CTU2: variants seen among roughly 807,000 people sequenced by gnomAD.
The protein encoded by CTU2 is cytosolic thiouridylase subunit 2, also known as cytoplasmic tRNA 2-thiolation protein 2.
CTU2 carries 80 observed loss-of-function variants against 64.1 expected under a neutral mutation model. The observed-to-expected ratio is 1.25, with a 90% CI of 1.04 to 1.50. CTU2 has a LOEUF of 1.50. CTU2 is among the 40% of genes most tolerant of loss of function. The probability of loss-of-function intolerance (pLI) is 0.00; values close to 1 mark genes in which losing one functional copy is unlikely to be tolerated. For synonymous variants in CTU2, 482 were observed against 285.3 expected (o/e 1.69, Z -6.95); for missense variants, 1,110 against 690.2 (o/e 1.61, Z -6.81).
At chr16:88,708,819 C>T (rs1179078223) in intron 2 of CTU2, 2 of 152,178 alleles carry the variant, frequency 1.3e-5, no homozygotes, top group African/African-American at 4.8e-5. Context: ...TGCTGCTCTT[C>T]ACCCTGCCTG....
chr16:88,712,075 G>A (rs1354756936), intron 5 of CTU2, 199 bp from the exon 6 acceptor site: 1 of 702,264 alleles, frequency 1.4e-6, no homozygotes, highest in South Asian at 1.5e-5. Context: ...AACTCCTGGG[G>A]TGTTGACTGT....
chr16:88,711,474 G>A (rs982336765), intron 4 of CTU2, among the ~76,000 whole-genome samples, 161 bp from the exon 5 acceptor site: 4 of 152,166 alleles, frequency 2.6e-5, no homozygotes, highest in African/African-American at 7.2e-5. Flanking sequence ...GGGCCTGCCC[G>A]GCACCTGAGT....
intron 4 of CTU2, among the ~76,000 whole-genome samples, chr16:88,711,334 T>C (rs967418608): frequency 3.9e-5 from 6 of 152,066 alleles, no homozygotes; most frequent in Non-Finnish European, 8.8e-5. Flanking sequence ...AGTGGCCCCG[T>C]AACCCAGCCC....
At chr16:88,709,654 G>C in intron 2 of CTU2, 1 of 452,362 alleles carries the variant, frequency 2.2e-6, no homozygotes, top group Non-Finnish European at 4.0e-6. Flanking sequence ...CCTGTGGGGA[G>C]GGGTGCCGGG....
chr16:88,714,662 C>T lies in CTU2; in HGVS notation c.1277C>T (p.Thr426Ile), dbSNP rs1911748513. The T allele has an allele frequency of 6.2e-7, 1 of 1,612,376 alleles. No homozygotes were observed. Among genetic ancestry groups the T allele is most frequent in the African/African-American group, 1.3e-5 (1 of 74,892 alleles). Residue 426 changes from threonine to isoleucine, a missense_variant, in exon 12 of 15, where the codon ACC (threonine) becomes ATC (isoleucine). Thr to Ile is a moderately conservative substitution (Grantham distance 89). Transcript: ENST00000453996. ...CAGTCACCCATCCCCCTGACTGAGA[C>T]CCGGACACCCCCGGGGCCCTGCTGT... The part of the protein sequence containing the change: ...QMQSPIPLTE[T>I]RTPPGPCCSP...
chr16:88,709,218 G>A (rs1278508352), intron 2 of CTU2: 1 of 152,300 alleles, frequency 6.6e-6, no homozygotes, highest in African/African-American at 2.4e-5. Flanking sequence ...GGAGTTTGAG[G>A]CTGCAGTGAG....
Position 88,714,718 on chromosome 16 carries a change from G to A in CTU2, c.1333G>A (p.Gly445Ser), listed in dbSNP as rs753781703. ...SPGVGWAQRC[G>S]QGACRREDPQ... ...AGGGGTGGGCTGGGCCCAGCGCTGT[G>A]GCCAGGGGGCCTGCAGGAGGTGAGT... is the stretch of plus-strand genomic sequence containing the variant. The change falls in exon 12 of 15, where the codon GGC (glycine) becomes AGC (serine). Residue 445 changes from glycine (G) to serine (S), a missense_variant. By Grantham distance (56) the Gly-to-Ser change is moderately conservative. Transcript: ENST00000453996. 65 of 1,607,768 alleles carry A rather than the reference G, an allele frequency of 4.0e-5. No individual in the cohort carries two copies. The highest frequency in any genetic ancestry group is 1.7e-4 in the Admixed American group (10 of 59,388).
At chr16:88,713,894 G>T in intron 9 of CTU2, 116 bp downstream of exon 9, 1 of 1,426,668 alleles carries the variant, frequency 7.0e-7, no homozygotes, top group Non-Finnish European at 9.7e-7. Context: ...CTCCTGCTGT[G>T]GCCCCCAGCA....
At position 88,709,993 on chromosome 16, in the gene CTU2, C is replaced by T. The variant is rs200836148; in HGVS notation, c.199C>T (p.Arg67Trp). The T allele has an allele frequency of 1.9e-5, 30 of 1,613,808 alleles. No individual in the cohort carries two copies. Among genetic ancestry groups the T allele is most frequent in the Middle Eastern group, 1.6e-4 (1 of 6,084 alleles). Residue 67 changes from arginine (R) to tryptophan (W), a missense_variant, in exon 3 of 15, where the codon CGG becomes TGG. Transcript: ENST00000453996. Reference protein sequence around the residue: ...HKFRAMLGKNRLIFPGEKVLL... With the variant: ...HKFRAMLGKNWLIFPGEKVLL... Reference sequence around the variant, plus strand: ...GTTCAGAGCCATGCTGGGCAAGAACCGGCTCATCTTTCCAGGCGAGAAGGT... The same window carrying T: ...GTTCAGAGCCATGCTGGGCAAGAACTGGCTCATCTTTCCAGGCGAGAAGGT...
At position 88,709,981 on chromosome 16, in the gene CTU2, C is replaced by T. The variant is rs1033715743; in HGVS notation, c.187C>T (p.Leu63=). 1 of 1,613,944 alleles carries T rather than the reference C, an allele frequency of 6.2e-7. No homozygotes were observed. The highest frequency in any genetic ancestry group is 8.5e-7 in the Non-Finnish European group (1 of 1,180,002). ...CTACGTCCACAAGTTCAGAGCCATG[C>T]TGGGCAAGAACCGGCTCATCTTTCC... ...AFYVHKFRAM[L]GKNRLIFPGE... Residue 63 remains leucine (L), a synonymous_variant, in exon 3 of 15, where the codon CTG becomes TTG. Transcript: ENST00000453996.
intron 1 of CTU2, 75 bp downstream of exon 1, chr16:88,706,673 C>T (rs1266301587): frequency 7.0e-6 from 8 of 1,142,462 alleles, no homozygotes; most frequent in Middle Eastern, 3.1e-4. Context: ...GGGTCCCGGC[C>T]GGGCTTGCTC....
chr16:88,710,596 C>T, intron 4 of CTU2: 1 of 394,020 alleles, frequency 2.5e-6, no homozygotes, highest in Non-Finnish European at 4.7e-6. Context: ...AAGCTGGGTC[C>T]ACAGTGCGTG....
intron 9 of CTU2, 118 bp downstream of exon 9, chr16:88,713,896 C>G: frequency 3.6e-6 from 5 of 1,379,440 alleles, no homozygotes; most frequent in Non-Finnish European, 5.1e-6. Flanking sequence ...CCTGCTGTGG[C>G]CCCCAGCAGT....
chr16:88,712,444 G>C lies in CTU2; in HGVS notation c.453+61G>C. On this transcript the variant is annotated intron_variant, in intron 6 of 14. Coordinates refer to ENST00000453996, the MANE Select transcript of CTU2 (RefSeq NM_001012759.3). ...TGACCCCTGGGGGGCACCTGCCCGT[G>C]TCCCAGCCTCACTGGCCTCTCCCTC... The C allele has an allele frequency of 3.4e-6, 5 of 1,481,382 alleles. No individual in the cohort carries two copies. In the East Asian group the frequency reaches 1.2e-4, roughly 35 times the overall value. The allele number at this position is 1,481,382 out of a possible 1,614,324, so 91.8% of individuals were successfully genotyped here.
Position 88,707,183 on chromosome 16 carries a change from T to G in CTU2, c.116T>G (p.Val39Gly), listed in dbSNP as rs763663607. Residue 39 changes from valine to glycine, a missense_variant, in exon 2 of 15, where the codon GTG becomes GGG. Val to Gly is a moderately radical substitution (Grantham distance 109, BLOSUM62 -3). Transcript: ENST00000453996. ...VKCKEAQPVV[V>G]IRAGDAFCRD... ...TGCAAGGAAGCGCAGCCCGTTGTGG[T>G]GATACGAGCCGGAGATGCCTTCTGC... The G allele has an allele frequency of 7.4e-6, 12 of 1,613,918 alleles. No homozygotes were observed. The highest frequency in any genetic ancestry group is 1.0e-5 in the Non-Finnish European group (12 of 1,179,970).
intron 1 of CTU2, chr16:88,706,855 TG>T: frequency 1.8e-6 from 1 of 559,836 alleles, no homozygotes; most frequent in South Asian, 2.4e-5. Context: ...CGGAGAGAAC[TG>T]GTGCCGTGAA....
At position 88,715,027 on chromosome 16, in the gene CTU2, C is replaced by T. The variant is rs186274826; in HGVS notation, c.1420-21C>T. The T allele has an allele frequency of 1.5e-3, 2,371 of 1,576,768 alleles. 6 individuals are homozygous for T. Among genetic ancestry groups the T allele is most frequent in the Non-Finnish European group, 1.5e-3 (1,715 of 1,160,162 alleles). On this transcript the variant is annotated intron_variant, in intron 13 of 14. Transcript: ENST00000453996. ...GGTGCTGGCAGGTTTCTTGGCCCCT[C>T]GACACCGGCCTCTGTTGCAGCCCTC... is the stretch of plus-strand genomic sequence containing the variant.
chr16:88,707,403 C>T (rs1045052390), intron 2 of CTU2, among the ~76,000 whole-genome samples, 193 bp downstream of exon 2: 10 of 152,176 alleles, frequency 6.6e-5, no homozygotes, highest in Admixed American at 1.3e-4. Context: ...GGAAAGTTTC[C>T]CATGAGCTAG....
intron 4 of CTU2, among the ~76,000 whole-genome samples, chr16:88,711,114 G>A (rs1016300917): frequency 4.6e-5 from 7 of 152,070 alleles, no homozygotes; most frequent in Non-Finnish European, 1.0e-4. Context: ...ATGGGCGCAT[G>A]GCACAACACT....
Sources: allele counts gnomAD v4.1 joint callset (sites outside exome capture counted in the v4.1 genomes callset), GRCh38; gene constraint gnomAD v4.1.1; transcripts MANE v1.5; gene names NCBI Gene and HGNC (gene_info 2026-07-23, HGNC 2026-07-21).